Variants in PKDREJ observed in about 807,000 individuals in gnomAD.
PKDREJ encodes the protein PKD and REJ homolog.
For synonymous variants in PKDREJ, 1,031 were observed against 1,095.5 expected (o/e 0.94, Z 1.16); for missense variants, 2,507 against 2,807.2 (o/e 0.89, Z 2.42).
chr22:46,257,465 G>T lies in PKDREJ; in HGVS notation c.5858C>A (p.Ser1953Ter), dbSNP rs748698216. 1.2e-6 allele frequency: 2 copies of T among 1,613,930 alleles called. No individual in the cohort carries two copies. The highest frequency in any genetic ancestry group is 1.1e-5 in the South Asian group (1 of 90,972). ...AGCTTTTCTGTCAAAATCAGCAAGT[G>T]AAAAAGAGTGCAGAGATATGCTTGT... ...VNTSISLHSFSLADFDRKASA... is the reference protein window; with the variant it reads ...VNTSISLHSF The change falls in exon 1 of 1, where the codon TCA (serine) becomes TAA (stop). Residue 1953 changes from serine to a stop codon, truncating the protein, a stop_gained. Transcript: ENST00000253255. LOFTEE classifies it low-confidence loss of function (END_TRUNC). This position sits in a 1 kb window ranked among gnomAD's most constrained non-coding sequence, Gnocchi z 4.7.
Position 46,257,375 on chromosome 22 carries a change from C to A in PKDREJ, c.5948G>T (p.Gly1983Val). ...GGCTCTTTCTTGCATAATGATACAA[C>A]CCTCATCAACAACGTAGGCTAAGAA... The part of the protein sequence containing the change: ...IFFLAYVVDE[G>V]CIIMQERASY... The change falls in exon 1 of 1, where the codon GGT (glycine) becomes GTT (valine). Residue 1983 changes from glycine to valine, a missense_variant. Coordinates refer to ENST00000253255, the MANE Select transcript of PKDREJ (RefSeq NM_006071.2). The surrounding 1 kb of genome is among the most constrained non-coding windows in gnomAD (Gnocchi z 4.7). 1 of 1,614,030 alleles carries A rather than the reference C, an allele frequency of 6.2e-7. No individual in the cohort carries two copies.
Position 46,260,682 on chromosome 22 carries a change from A to G in PKDREJ, c.2641T>C (p.Cys881Arg). Residue 881 changes from cysteine to arginine, a missense_variant, in exon 1 of 1, where the codon TGC (cysteine) becomes CGC (arginine). Cys to Arg is a radical substitution (Grantham distance 180). Coordinates refer to ENST00000253255, the MANE Select transcript of PKDREJ (RefSeq NM_006071.2). The surrounding 1 kb of genome is among the most constrained non-coding windows in gnomAD (Gnocchi z 4.5). ...INQLFRNEKH[C>R]RNCFYPTLNV... The stretch of plus-strand genomic sequence containing the variant: ...AGTGTTGGATAAAAACAATTTCTGC[A>G]GTGTTTCTCATTTCTGAAGAGCTGG... 1.2e-6 allele frequency: 2 copies of G among 1,614,196 alleles called. No homozygotes were observed. The highest frequency in any genetic ancestry group is 1.7e-6 in the Non-Finnish European group (2 of 1,180,016).
At position 46,263,246 on chromosome 22, in the gene PKDREJ, A is replaced by G. The variant is rs7293071; in HGVS notation, c.77T>C (p.Val26Ala). Reference protein sequence around the residue: ...LSVGRLPLPPVPRGAQAAVSG... With the variant: ...LSVGRLPLPPAPRGAQAAVSG... ...GACGGCGGCTTGTGCCCCGCGAGGA[A>G]CCGGCGGCAGCGGGAGGCGGCCGAC... Residue 26 changes from valine (V) to alanine (A), a missense_variant, in exon 1 of 1, where the codon GTT (valine) becomes GCT (alanine). Physicochemically the swap from Val to Ala is moderately conservative, Grantham distance 64. Coordinates refer to ENST00000253255, the MANE Select transcript of PKDREJ (RefSeq NM_006071.2). The surrounding 1 kb of genome is among the most constrained non-coding windows in gnomAD (Gnocchi z 9.4). 0.06 allele frequency: 87,819 copies of G among 1,462,832 alleles called. 7,514 individuals are homozygous for G. The highest frequency in any genetic ancestry group is 0.42 in the African/African-American group (28,125 of 67,292). The allele number at this position is 1,462,832 out of a possible 1,614,324, so 90.6% of individuals were successfully genotyped here.
In PKDREJ at chr22:46,258,847, C is replaced by T; in HGVS notation, c.4476G>A (p.Val1492=). 6.2e-7 allele frequency: 1 copy of T among 1,614,144 alleles called. No homozygotes were observed. The highest frequency in any genetic ancestry group is 1.1e-5 in the South Asian group (1 of 91,084). The change falls in exon 1 of 1, where the codon GTG becomes GTA. Residue 1492 remains valine, a synonymous_variant. Coordinates refer to ENST00000253255, the MANE Select transcript of PKDREJ (RefSeq NM_006071.2). This position sits in a 1 kb window ranked among gnomAD's most constrained non-coding sequence, Gnocchi z 6.1. ...CAGGTTTTGCAACCTCCCTGGGGTG[C>T]ACCTTAGCAGTTTCGTAAGCATGCC... ...RKWHAYETAK[V]HPREVAKPAS... is the part of the protein sequence containing the mutation.
rs12158566 is a variant in PKDREJ at position 46,256,220 on chromosome 22, G to A, written c.*341C>T. 30,127 of 244,254 alleles carry A rather than the reference G, an allele frequency of 0.12. 5,711 individuals carry two copies. The highest frequency in any genetic ancestry group is 0.5 in the African/African-American group (21,673 of 43,736). The allele number at this position is 244,254 out of a possible 1,614,324, so 15.1% of individuals were successfully genotyped here. On this transcript the variant is annotated 3_prime_UTR_variant, in exon 1 of 1. Coordinates refer to ENST00000253255, the MANE Select transcript of PKDREJ (RefSeq NM_006071.2). This position sits in a 1 kb window ranked among gnomAD's most constrained non-coding sequence, Gnocchi z 5.3. ...TGGCCAGGTCCCTCTCTCAAATCTG[G>A]TTCTCAAAACCAGTGGCTCTGCCTT...
Position 46,263,221 on chromosome 22 carries a change from G to A in PKDREJ, c.102C>T (p.Val34=). The change falls in exon 1 of 1, where the codon GTC becomes GTT. Residue 34 remains valine (V), a synonymous_variant. Coordinates refer to ENST00000253255, the MANE Select transcript of PKDREJ (RefSeq NM_006071.2). The surrounding 1 kb of genome is among the most constrained non-coding windows in gnomAD (Gnocchi z 9.4). ...TGAGGAGGCCACCGGGCGCCCCGGA[G>A]ACGGCGGCTTGTGCCCCGCGAGGAA... ...PPVPRGAQAA[V]SGAPGGLLRG... 1.4e-6 allele frequency: 2 copies of A among 1,444,402 alleles called. No individual in the cohort carries two copies. 89.5% of individuals were successfully genotyped at this position (1,444,402 alleles called of 1,614,324 possible). A position where few individuals can be genotyped will look rare whatever the true frequency, so the allele number is the denominator to read the frequency against.
rs150986542 is a variant in PKDREJ at position 46,262,756 on chromosome 22, C to T, written c.567G>A (p.Ala189=). Residue 189 remains alanine, a synonymous_variant, in exon 1 of 1, where the codon GCG becomes GCA. Transcript: ENST00000253255. The surrounding 1 kb of genome is among the most constrained non-coding windows in gnomAD (Gnocchi z 8.1). ...ARTECPTDGP[A]RVMLQAVNSS... ...AGTTGACGGCCTGCAACATCACGCG[C>T]GCGGGGCCGTCTGTGGGGCACTCGG... 9.9e-4 allele frequency: 1,575 copies of T among 1,589,660 alleles called. 3 individuals carry two copies. The highest frequency in any genetic ancestry group is 1.4e-3 in the Admixed American group (83 of 57,300).
In PKDREJ at chr22:46,261,362, G is replaced by A. The variant is rs1569005718; in HGVS notation, c.1961C>T (p.Ser654Phe). 1 of 1,613,722 alleles carries A rather than the reference G, an allele frequency of 6.2e-7. No individual in the cohort carries two copies. Among genetic ancestry groups the A allele is most frequent in the African/African-American group, 1.3e-5 (1 of 74,898 alleles). The stretch of plus-strand genomic sequence containing the variant: ...AGTCACCTGAGAAAAAGCTCCTAGA[G>A]AATCATAGACCTGGGCATATATCTT... ...GLKIYAQVYD[S>F]LGAFSQVTLH... is the part of the protein sequence containing the mutation. Residue 654 changes from serine to phenylalanine, a missense_variant, in exon 1 of 1, where the codon TCT (serine) becomes TTT (phenylalanine). Physicochemically the swap from Ser to Phe is radical, Grantham distance 155 (BLOSUM62 -2). Coordinates refer to ENST00000253255, the MANE Select transcript of PKDREJ (RefSeq NM_006071.2). The surrounding 1 kb of genome is among the most constrained non-coding windows in gnomAD (Gnocchi z 7.1).
In PKDREJ at chr22:46,257,222, G is replaced by C. The variant is rs771899665; in HGVS notation, c.6101C>G (p.Pro2034Arg). 5 of 1,614,054 alleles carry C rather than the reference G, an allele frequency of 3.1e-6. 1 individual carries two copies. The South Asian group carries it at 4.4e-5, about 14-fold the overall frequency. ...TGCATGAAAGGGAATGAAGTCTTCT[G>C]GGTTCGACAAGTAAAACCGAATTAT... ...TGIIRFYLSN[P>R]EDFIPFHAVS... is the part of the protein sequence containing the mutation. Residue 2034 changes from proline to arginine, a missense_variant, in exon 1 of 1, where the codon CCA becomes CGA. Coordinates refer to ENST00000253255, the MANE Select transcript of PKDREJ (RefSeq NM_006071.2). The surrounding 1 kb of genome is among the most constrained non-coding windows in gnomAD (Gnocchi z 4.7).
rs774394899 is a variant in PKDREJ, at chr22:46,259,395, A to G, written c.3928T>C (p.Tyr1310His). ...HNNEGRSPSW[Y>H]LSRIKVENLF... Reference sequence around the variant, plus strand: ...TTTTCCACTTTGATTCTACTTAAATACCAGCTAGGCGATCGACCCTCGTTG... The same window carrying G: ...TTTTCCACTTTGATTCTACTTAAATGCCAGCTAGGCGATCGACCCTCGTTG... Residue 1310 changes from tyrosine (Y) to histidine (H), a missense_variant, in exon 1 of 1, where the codon TAT becomes CAT. Transcript: ENST00000253255. The surrounding 1 kb of genome is among the most constrained non-coding windows in gnomAD (Gnocchi z 6.8). The G allele has an allele frequency of 1.2e-6, 2 of 1,614,202 alleles. No individual in the cohort carries two copies. The highest frequency in any genetic ancestry group is 1.1e-5 in the South Asian group (1 of 91,084).
Position 46,262,574 on chromosome 22 carries a change from G to C in PKDREJ, c.749C>G (p.Pro250Arg), listed in dbSNP as rs149432283. 7.4e-4 allele frequency: 1,185 copies of C among 1,608,182 alleles called. 2 individuals carry two copies. The highest frequency in any genetic ancestry group is 9.3e-4 in the Non-Finnish European group (1,091 of 1,177,584). Residue 250 changes from proline (P) to arginine (R), a missense_variant, in exon 1 of 1, where the codon CCG (proline) becomes CGG (arginine). Coordinates refer to ENST00000253255, the MANE Select transcript of PKDREJ (RefSeq NM_006071.2). The surrounding 1 kb of genome is among the most constrained non-coding windows in gnomAD (Gnocchi z 8.1). Reference sequence around the variant, plus strand: ...GTACTGGGCGATGGCGCGCGCGGCCGGGCAGTCCAGCTGCACCGAGGCGTT... The same window carrying C: ...GTACTGGGCGATGGCGCGCGCGGCCCGGCAGTCCAGCTGCACCGAGGCGTT... ...TINASVQLDC[P>R]AARAIAQYWQ...
chr22:46,257,278 G>C lies in PKDREJ; in HGVS notation c.6045C>G (p.Leu2015=). 3.1e-6 allele frequency: 5 copies of C among 1,614,048 alleles called. No individual in the cohort carries two copies. The highest frequency in any genetic ancestry group is 1.1e-5 in the South Asian group (1 of 91,042). Residue 2015 remains leucine, a synonymous_variant, in exon 1 of 1, where the codon CTC becomes CTG. Coordinates refer to ENST00000253255, the MANE Select transcript of PKDREJ (RefSeq NM_006071.2). This position sits in a 1 kb window ranked among gnomAD's most constrained non-coding sequence, Gnocchi z 4.7. ...TGGCCAGGAAATGTTTCCTGAGAAA[G>C]AGCACAATCAACACAGTAAATATGC... The part of the protein sequence containing the change: ...LKCIFTVLIV[L]FLRKHFLATG...
At position 46,261,928 on chromosome 22, in the gene PKDREJ, A is replaced by G. The variant is rs766362890; in HGVS notation, c.1395T>C (p.Asn465=). The stretch of plus-strand genomic sequence containing the variant: ...CAGAGACAATGAAGTTTCTCTCACA[A>G]TTTTCGATACATGTGATGTGTGCTA... ...KAIAHITCIE[N]CERNFIVSDR... The change falls in exon 1 of 1, where the codon AAT becomes AAC. Residue 465 remains asparagine (N), a synonymous_variant. Coordinates refer to ENST00000253255, the MANE Select transcript of PKDREJ (RefSeq NM_006071.2). This position sits in a 1 kb window ranked among gnomAD's most constrained non-coding sequence, Gnocchi z 7.1. 6.2e-7 allele frequency: 1 copy of G among 1,614,104 alleles called. No individual in the cohort carries two copies. Among genetic ancestry groups the G allele is most frequent in the Non-Finnish European group, 8.5e-7 (1 of 1,180,028 alleles).
rs372700385 is a variant in PKDREJ, at chr22:46,260,114, C to T, written c.3209G>A (p.Ser1070Asn). Residue 1070 changes from serine to asparagine, a missense_variant, in exon 1 of 1, where the codon AGC (serine) becomes AAC (asparagine). Ser to Asn is a conservative substitution (Grantham distance 46, BLOSUM62 1). Transcript: ENST00000253255. This position sits in a 1 kb window ranked among gnomAD's most constrained non-coding sequence, Gnocchi z 4.5. ...GGATACAGTACAGTGGGGAGAGTGGCTGTGCTGAGCTATGAGTTGCAGCAG... is the reference window on the plus strand; with the variant it reads ...GGATACAGTACAGTGGGGAGAGTGGTTGTGCTGAGCTATGAGTTGCAGCAG... Reference protein sequence around the residue: ...VSLLQLIAQHSHSPHCTVSIV... With the variant: ...VSLLQLIAQHNHSPHCTVSIV... 9.2e-5 allele frequency: 149 copies of T among 1,613,520 alleles called. No individual in the cohort carries two copies. The highest frequency in any genetic ancestry group is 1.2e-4 in the Non-Finnish European group (142 of 1,179,746).
Position 46,262,402 on chromosome 22 carries a change from G to A in PKDREJ, c.921C>T (p.Phe307=), listed in dbSNP as rs1936707365. 1.9e-6 allele frequency: 3 copies of A among 1,613,920 alleles called. No individual in the cohort carries two copies. The highest frequency in any genetic ancestry group is 2.5e-6 in the Non-Finnish European group (3 of 1,179,906). The change falls in exon 1 of 1, where the codon TTC becomes TTT. Residue 307 remains phenylalanine (F), a synonymous_variant. Transcript: ENST00000253255. The surrounding 1 kb of genome is among the most constrained non-coding windows in gnomAD (Gnocchi z 8.1). ...SLQWGVYVFN[F]TVSITTGNPK... ...GGTTCCCTGTGGTGATGGACACCGTGAAATTAAACACATACACTCCCCACT... is the reference window on the plus strand; with the variant it reads ...GGTTCCCTGTGGTGATGGACACCGTAAAATTAAACACATACACTCCCCACT...
In PKDREJ at chr22:46,259,416, C is replaced by T. The variant is rs142325461; in HGVS notation, c.3907G>A (p.Glu1303Lys). The stretch of plus-strand genomic sequence containing the variant: ...AAATACCAGCTAGGCGATCGACCCT[C>T]GTTGTTGTGCCACACACGGATGGAA... ...IHSIRVWHNN[E>K]GRSPSWYLSR... Residue 1303 changes from glutamate (E) to lysine (K), a missense_variant, in exon 1 of 1, where the codon GAG becomes AAG. Transcript: ENST00000253255. This position sits in a 1 kb window ranked among gnomAD's most constrained non-coding sequence, Gnocchi z 6.8. 2.6e-4 allele frequency: 423 copies of T among 1,614,212 alleles called. 2 individuals are homozygous for T. The highest frequency in any genetic ancestry group is 2.2e-3 in the East Asian group (101 of 44,890).
chr22:46,258,752 C>T lies in PKDREJ; in HGVS notation c.4571G>A (p.Arg1524Lys), dbSNP rs773418005. The T allele has an allele frequency of 5.6e-6, 9 of 1,613,976 alleles. No individual in the cohort carries two copies. The African/African-American group carries it at 9.3e-5, about 17-fold the overall frequency. The change falls in exon 1 of 1, where the codon AGG (arginine) becomes AAG (lysine). Residue 1524 changes from arginine (R) to lysine (K), a missense_variant. Physicochemically the swap from Arg to Lys is conservative, Grantham distance 26. Transcript: ENST00000253255. This position sits in a 1 kb window ranked among gnomAD's most constrained non-coding sequence, Gnocchi z 6.1. ...KATSKPKHRH[R>K]KAQIKTPETL... ...CTCCGGGGTCTTGATTTGTGCTTTCCTATGCCTGTGCTTGGGTTTGGAGGT... is the reference window on the plus strand; with the variant it reads ...CTCCGGGGTCTTGATTTGTGCTTTCTTATGCCTGTGCTTGGGTTTGGAGGT...
Position 46,258,930 on chromosome 22 carries a change from G to C in PKDREJ, c.4393C>G (p.Gln1465Glu). 1 of 1,614,186 alleles carries C rather than the reference G, an allele frequency of 6.2e-7. No homozygotes were observed. Among genetic ancestry groups the C allele is most frequent in the Non-Finnish European group, 8.5e-7 (1 of 1,180,032 alleles). ...GCTTCTGACATTAGAGGATGCTTTT[G>C]AGGAGATACCTCCTTTAGATCCGCT... ...PQADLKEVSP[Q>E]KHPLMSEASE... is the part of the protein sequence containing the mutation. The change falls in exon 1 of 1, where the codon CAA becomes GAA. Residue 1465 changes from glutamine to glutamate, a missense_variant. Physicochemically the swap from Gln to Glu is conservative, Grantham distance 29. Transcript: ENST00000253255. This position sits in a 1 kb window ranked among gnomAD's most constrained non-coding sequence, Gnocchi z 6.1.
rs760212832 is a variant in PKDREJ, at chr22:46,257,074, C to G, written c.6249G>C (p.Gln2083His). ...YDVRLAQRAIQAALPGICHMA... is the reference protein window; with the variant it reads ...YDVRLAQRAIHAALPGICHMA... ...TGTGGCAGATGCCAGGGAGGGCAGC[C>G]TGGATGGCCCTCTGAGCCAGGCGCA... is the stretch of plus-strand genomic sequence containing the variant. The change falls in exon 1 of 1, where the codon CAG (glutamine) becomes CAC (histidine). Residue 2083 changes from glutamine (Q) to histidine (H), a missense_variant. Physicochemically the swap from Gln to His is conservative, Grantham distance 24. Coordinates refer to ENST00000253255, the MANE Select transcript of PKDREJ (RefSeq NM_006071.2). This position sits in a 1 kb window ranked among gnomAD's most constrained non-coding sequence, Gnocchi z 4.7. 1.2e-6 allele frequency: 2 copies of G among 1,613,824 alleles called. No individual in the cohort carries two copies. The highest frequency in any genetic ancestry group is 1.1e-5 in the South Asian group (1 of 91,086).
Sources: allele counts gnomAD v4.1 joint callset, GRCh38; gene constraint gnomAD v4.1.1; non-coding constraint Gnocchi (gnomAD v3.1); transcripts MANE v1.5; gene names NCBI Gene and HGNC (gene_info 2026-07-23, HGNC 2026-07-21).